PTH2R: variants seen among roughly 807,000 people sequenced by gnomAD.
The protein encoded by PTH2R is parathyroid hormone 2 receptor.
In PTH2R, 59 loss-of-function variants were observed where a neutral mutation model predicts 60.3. That is an observed-to-expected ratio of 0.98 (90% confidence interval 0.79 to 1.22). The LOEUF (loss-of-function observed/expected upper bound fraction) is 1.22. Among genes scored for constraint, PTH2R ranks in the 50% most tolerant of loss-of-function variants. The pLI, the probability that PTH2R is intolerant of heterozygous loss-of-function variation, is 0.00. For missense variants in PTH2R, 749 were observed against 682.6 expected, an observed-to-expected ratio of 1.10 and a Z score of -1.08; for synonymous variants, 256 against 243.8, an observed-to-expected ratio of 1.05 and a Z score of -0.47.
intron 8 of PTH2R, among the ~76,000 whole-genome samples, chr2:208,459,034 CT>C (rs1215865185): frequency 6.6e-6 from 1 of 152,056 alleles, no homozygotes; most frequent in African/African-American, 2.4e-5. Context: ...CGCCATACTG[CT>C]TTCCACAGTG....
chr2:208,371,417 C>T (rs911636508), intron 1 of PTH2R, among the ~76,000 whole-genome samples: 24 of 152,080 alleles, frequency 1.6e-4, no homozygotes, highest in African/African-American at 4.6e-4. Context: ...ACCTTTTATA[C>T]TTTCTCACTG....
intron 1 of PTH2R, 94 bp downstream of exon 1, chr2:208,407,212 A>C: frequency 8.8e-7 from 1 of 1,130,558 alleles, no homozygotes; most frequent in Non-Finnish European, 1.2e-6. Context: ...GCGAGAGCTC[A>C]TTCATGTTCA....
At chr2:208,442,583 C>A (rs1702208786) in intron 5 of PTH2R, 122 bp downstream of exon 5, 1 of 747,596 alleles carries the variant, frequency 1.3e-6, no homozygotes, top group Admixed American at 2.3e-5. Flanking sequence ...TGAATTCAGC[C>A]TAATGTTATT....
rs757304411 is a variant in PTH2R at position 208,443,417 on chromosome 2, C to T, written c.579C>T (p.Ser193=). The change falls in exon 6 of 13, where the codon AGC becomes AGT. Residue 193 remains serine (S), a synonymous_variant. Coordinates refer to ENST00000272847, the MANE Select transcript of PTH2R (RefSeq NM_005048.4). ...LFVSFMLRAT[S]IFVKDRVVHA... is the part of the protein sequence containing the mutation. ...TGTCTTTCATGCTGAGAGCTACAAG[C>T]ATCTTTGTCAAAGACAGAGTAGTCC... 1.3e-5 allele frequency: 21 copies of T among 1,613,098 alleles called. No individual in the cohort carries two copies. In the African/African-American group the frequency reaches 2.8e-4, roughly 22 times the overall value.
chr2:208,383,720 T>G (rs1700955425), intron 1 of PTH2R, among the ~76,000 whole-genome samples: 1 of 152,234 alleles, frequency 6.6e-6, no homozygotes, highest in African/African-American at 2.4e-5. Context: ...TAGTTGAACT[T>G]AAACATAATG....
At chr2:208,473,655 G>A (rs770716341) in intron 9 of PTH2R, among the ~76,000 whole-genome samples, 1 of 152,092 alleles carries the variant, frequency 6.6e-6, no homozygotes, top group Non-Finnish European at 1.5e-5. Flanking sequence ...GGGGAGGGAT[G>A]ATCTATTCTT....
intron 8 of PTH2R, among the ~76,000 whole-genome samples, chr2:208,455,155 A>G (rs1272484934): frequency 6.6e-6 from 1 of 152,220 alleles, no homozygotes; most frequent in African/African-American, 2.4e-5. Context: ...CTATATACAC[A>G]CAGTGAGATT....
intron 1 of PTH2R, among the ~76,000 whole-genome samples, chr2:208,377,460 G>GC (rs537494898): frequency 0.44 from 64,569 of 148,248 alleles, 16,230 homozygotes; most frequent in Admixed American, 0.54. Flanking sequence ...GGGCAGAGGT[G>GC]CCCCCCACCT....
intron 4 of PTH2R, among the ~76,000 whole-genome samples, chr2:208,438,552 G>C (rs1702123188): frequency 1.3e-5 from 2 of 151,928 alleles, no homozygotes; most frequent in African/African-American, 2.4e-5. Context: ...ATAAACTTTG[G>C]GATATTCTAG....
intron 11 of PTH2R, 51 bp downstream of exon 11, chr2:208,489,201 C>T (rs1414935597): frequency 1.3e-5 from 21 of 1,608,288 alleles, no homozygotes; most frequent in Non-Finnish European, 1.7e-5. Flanking sequence ...AGTTTTTTTT[C>T]CTTTTGGTCA....
intron 1 of PTH2R, among the ~76,000 whole-genome samples, chr2:208,418,430 G>A (rs1490778688): frequency 6.6e-6 from 1 of 150,414 alleles, no homozygotes; most frequent in Non-Finnish European, 1.5e-5. Context: ...AAAATCAAAA[G>A]CAAAATAATA....
rs1553542827 is a variant in PTH2R at position 208,408,740 on chromosome 2, A to AGAAAGAGAGAGAG, written c.75+1622_75+1623insGAAAGAGAGAGAG. On this transcript the variant is annotated intron_variant, in intron 1 of 12. Transcript: ENST00000272847. ...GAAAGGAAAGAGAGAGAGAGAGAGAAAGAGAGAGAGAGAGAGAGAGAGAGA... is the reference window on the plus strand; with the variant it reads ...GAAAGGAAAGAGAGAGAGAGAGAGAAGAAAGAGAGAGAGAGAGAGAGAGAGAGAGAGAGAGAGA... Among the ~76,000 whole-genome samples, 210 of 123,346 alleles carry AGAAAGAGAGAGAG rather than the reference A, an allele frequency of 1.7e-3. 1 individual carries two copies. The highest frequency in any genetic ancestry group is 6.8e-3 in the African/African-American group (173 of 25,578). The allele number at this position is 123,346 out of a possible 152,430, so 80.9% of individuals were successfully genotyped here. A position where few individuals can be genotyped will look rare whatever the true frequency, so the allele number is the denominator to read the frequency against.
At chr2:208,396,266 C>G (rs996225198) in intron 1 of PTH2R, among the ~76,000 whole-genome samples, 1 of 152,152 alleles carries the variant, frequency 6.6e-6, no homozygotes, top group African/African-American at 2.4e-5. Context: ...GACTTCATGA[C>G]TAAAACACCA....
At position 208,489,102 on chromosome 2, in the gene PTH2R, C is replaced by T. The variant is rs760814892; in HGVS notation, c.1167C>T (p.Leu389=). 1.3e-5 allele frequency: 21 copies of T among 1,614,090 alleles called. No homozygotes were observed. The highest frequency in any genetic ancestry group is 1.7e-5 in the Non-Finnish European group (20 of 1,180,006). The change falls in exon 11 of 13, where the codon CTC becomes CTT. Residue 389 remains leucine, a synonymous_variant. Transcript: ENST00000272847. The part of the protein sequence containing the change: ...FVCLPHSFTG[L]GWEIRMHCEL... ...GCCTGCCTCACTCCTTCACTGGGCT[C>T]GGGTGGGAGATCCGCATGCACTGTG...
intron 8 of PTH2R, among the ~76,000 whole-genome samples, chr2:208,451,199 C>G (rs910014076): frequency 1.3e-5 from 2 of 152,088 alleles, no homozygotes; most frequent in Non-Finnish European, 2.9e-5. Flanking sequence ...TCTGCCACAT[C>G]AACTTTTCCT....
At chr2:208,481,852 C>G (rs1254839547) in intron 10 of PTH2R, among the ~76,000 whole-genome samples, 2 of 152,172 alleles carry the variant, frequency 1.3e-5, no homozygotes, top group African/African-American at 4.8e-5. Flanking sequence ...CAAATTGTCT[C>G]TCACTAAATA....
At chr2:208,389,691 G>C (rs1038029596) in intron 1 of PTH2R, among the ~76,000 whole-genome samples, 1 of 151,988 alleles carries the variant, frequency 6.6e-6, no homozygotes, top group Non-Finnish European at 1.5e-5. Flanking sequence ...AAACATTGAT[G>C]TTTTATCACA....
Position 208,392,083 on chromosome 2 carries a change from G to T in PTH2R, c.-259+31846G>T, listed in dbSNP as rs185257759. Among the ~76,000 whole-genome samples the T allele has an allele frequency of 1.6e-3, 247 of 152,304 alleles. 1 individual carries two copies. The highest frequency in any genetic ancestry group is 3.0e-3 in the Non-Finnish European group (206 of 68,038). ...CGGAGGGATCTTCAAATGCAAACAG[G>T]TATTGAGAGTCGGGATGTAACAGTA... On this transcript the variant is annotated intron_variant, in intron 1 of 12. Transcript: ENST00000617735.
intron 8 of PTH2R, among the ~76,000 whole-genome samples, chr2:208,456,695 T>A (rs1702521402): frequency 6.6e-6 from 1 of 152,204 alleles, no homozygotes; most frequent in Non-Finnish European, 1.5e-5. Context: ...TAGTCAGACC[T>A]TTGTATCTCA....
Sources: gnomAD v4.1 joint callset for allele counts (sites outside exome capture counted in the v4.1 genomes callset) on GRCh38, gnomAD v4.1.1 for gene constraint, MANE v1.5 for transcripts, NCBI Gene and HGNC (gene_info 2026-07-23, HGNC 2026-07-21) for gene names.